VPS29: variants seen among roughly 807,000 people sequenced by gnomAD.
VPS29 encodes vacuolar protein sorting-associated protein 29.
Under a neutral mutation model 20.0 loss-of-function variants are expected in VPS29, and 2 were observed. The observed-to-expected ratio is 0.10, with a 90% CI of 0.04 to 0.31. The LOEUF (loss-of-function observed/expected upper bound fraction) is 0.31, where lower values mean the gene tolerates loss of function less well. Ranked by LOEUF, VPS29 falls within the 10% of genes least tolerant of loss-of-function variation. The pLI, the probability that VPS29 is intolerant of heterozygous loss-of-function variation, is 1.00. For synonymous variants in VPS29, 81 were observed against 79.3 expected (o/e 1.02, Z -0.12); for missense variants, 120 against 215.3 (o/e 0.56, Z 2.77).
chr12:110,493,362 A>AT (rs1174705851), intron 2 of VPS29, 131 bp from the exon 3 acceptor site: 60,570 of 462,450 alleles, frequency 0.13, 864 homozygotes, highest in Middle Eastern at 0.16. Flanking sequence ...ACATTTATAC[A>AT]TTTTTTTTTT....
intron 2 of VPS29, among the ~76,000 whole-genome samples, chr12:110,494,414 A>C (rs906415349): frequency 4.0e-5 from 6 of 150,342 alleles, no homozygotes; most frequent in African/African-American, 1.5e-4. Context: ...CACCATGCCC[A>C]GCTAATTTTT....
In VPS29 at chr12:110,502,078, C is replaced by T. The variant is rs1409873868; in HGVS notation, c.-27G>A. 11 of 1,609,004 alleles carry T rather than the reference C, an allele frequency of 6.8e-6. No homozygotes were observed. The highest frequency in any genetic ancestry group is 5.3e-5 in the African/African-American group (4 of 74,892). On this transcript the variant is annotated 5_prime_UTR_variant, in exon 1 of 4. Coordinates refer to ENST00000549578, the MANE Select transcript of VPS29 (RefSeq NM_016226.5). ...CTGTCACCGGGCTCCGCTCAGTCACCACCACCGTCGCCGCCCTCTTCCTCA... is the reference window on the plus strand; with the variant it reads ...CTGTCACCGGGCTCCGCTCAGTCACTACCACCGTCGCCGCCCTCTTCCTCA...
chr12:110,492,609 T>TTATG (rs1228015460), intron 3 of VPS29, among the ~76,000 whole-genome samples: 4 of 79,424 alleles, frequency 5.0e-5, no homozygotes, highest in African/African-American at 1.4e-4. Context: ...TTTTATTTAT[T>TTATG]TATTTATTTA....
At chr12:110,499,515 A>T (rs751237645) in intron 1 of VPS29, 4 of 1,613,076 alleles carry the variant, frequency 2.5e-6, no homozygotes, top group South Asian at 1.1e-5. Context: ...TGTTAGTAGG[A>T]GCTAAGTGAA....
At chr12:110,497,199 A>ATT (rs1565861931) in intron 1 of VPS29, among the ~76,000 whole-genome samples, 8 of 141,202 alleles carry the variant, frequency 5.7e-5, no homozygotes, top group African/African-American at 2.2e-4. Flanking sequence ...TAATTTAAAA[A>ATT]TTTCTTTCTT....
intron 1 of VPS29, among the ~76,000 whole-genome samples, chr12:110,498,007 C>T (rs557397593): frequency 1.4e-3 from 203 of 144,760 alleles, no homozygotes; most frequent in African/African-American, 4.6e-3. Context: ...ATTTTGCTCT[C>T]GTCGCCCAGG....
intron 1 of VPS29, among the ~76,000 whole-genome samples, chr12:110,500,923 T>TA (rs933875718): frequency 2.0e-5 from 3 of 152,102 alleles, no homozygotes; most frequent in Non-Finnish European, 4.4e-5. Flanking sequence ...CTCACGCCTG[T>TA]AACCCCAGCA....
chr12:110,497,213 T>C (rs912677304), intron 1 of VPS29, among the ~76,000 whole-genome samples: 25 of 122,002 alleles, frequency 2.0e-4, no homozygotes, highest in Admixed American at 1.4e-3. Flanking sequence ...CTTTCTTTTT[T>C]TTTTTTTTTT....
intron 1 of VPS29, among the ~76,000 whole-genome samples, chr12:110,497,207 CTTTTTTTTTTTTTTTT>C (rs71083128): frequency 1.3e-5 from 1 of 77,214 alleles, no homozygotes. Flanking sequence ...AAATTTCTTT[CTTTTTTTTTTTTTTTT>C]TTTTTTTTTT....
intron 3 of VPS29, 29 bp from the exon 4 acceptor site, chr12:110,492,151 T>C: frequency 6.6e-7 from 1 of 1,509,980 alleles, no homozygotes; most frequent in Non-Finnish European, 9.1e-7. Context: ...AATGTCAGTG[T>C]TTTGTAGCAC....
At chr12:110,498,054 C>A (rs1044809220) in intron 1 of VPS29, among the ~76,000 whole-genome samples, 20 of 151,478 alleles carry the variant, frequency 1.3e-4, no homozygotes, top group African/African-American at 4.6e-4. Context: ...TCACTGCAAC[C>A]TCTGCCTCCC....
Position 110,491,837 on chromosome 12 carries a change from T to C in VPS29, c.*168A>G, listed in dbSNP as rs1442514929. On this transcript the variant is annotated 3_prime_UTR_variant, in exon 4 of 4. Coordinates refer to ENST00000549578, the MANE Select transcript of VPS29 (RefSeq NM_016226.5). ...ATACTGTAAACTAAATATATTCTTA[T>C]AGTTTACAGGAAGCTTGGAGCAATT... The C allele has an allele frequency of 3.4e-6, 2 of 596,154 alleles. No homozygotes were observed. The highest frequency in any genetic ancestry group is 2.1e-5 in the South Asian group (1 of 48,560). The allele number at this position is 596,154 out of a possible 1,614,324, so 36.9% of individuals were successfully genotyped here.
At chr12:110,500,901 C>T (rs1040910211) in intron 1 of VPS29, among the ~76,000 whole-genome samples, 1 of 152,082 alleles carries the variant, frequency 6.6e-6, no homozygotes, top group South Asian at 2.1e-4. Context: ...GATTACAGGC[C>T]GGGCGCGGTG....
Position 110,493,011 on chromosome 12 carries a change from T to C in VPS29, c.416A>G (p.Tyr139Cys). Residue 139 changes from tyrosine to cysteine, a missense_variant, in exon 3 of 4, where the codon TAT (tyrosine) becomes TGT (cysteine). Physicochemically the swap from Tyr to Cys is radical, Grantham distance 194. Coordinates refer to ENST00000549578, the MANE Select transcript of VPS29 (RefSeq NM_016226.5). ...YINPGSATGA[Y>C]NALETNIIPS... is the part of the protein sequence containing the mutation. ...TACTACTCACGTTTCCAAGGCATTATATGCCCCAGTGGCAGAACCTGGATT... is the reference window on the plus strand; with the variant it reads ...TACTACTCACGTTTCCAAGGCATTACATGCCCCAGTGGCAGAACCTGGATT... The C allele has an allele frequency of 6.2e-7, 1 of 1,612,894 alleles. No individual in the cohort carries two copies. The highest frequency in any genetic ancestry group is 8.5e-7 in the Non-Finnish European group (1 of 1,179,510).
chr12:110,499,331 G>T, intron 1 of VPS29: 1 of 588,798 alleles, frequency 1.7e-6, no homozygotes, highest in Non-Finnish European at 2.7e-6. Flanking sequence ...TGACAAATCG[G>T]GATAGACATA....
chr12:110,501,891 C>G (rs527724182), intron 1 of VPS29, 158 bp downstream of exon 1: 1 of 1,526,804 alleles, frequency 6.5e-7, no homozygotes, highest in Non-Finnish European at 8.9e-7. Context: ...CCTTCCTTCC[C>G]TAGACCTCTT....
chr12:110,501,359 T>C (rs1237420909), intron 1 of VPS29: 2 of 1,533,838 alleles, frequency 1.3e-6, no homozygotes, highest in African/African-American at 1.4e-5. Context: ...AAAATGTGTA[T>C]ATTCACAAAA....
At chr12:110,501,853 G>A (rs1270564557) in intron 1 of VPS29, 196 bp downstream of exon 1, 3 of 1,377,090 alleles carry the variant, frequency 2.2e-6, no homozygotes, top group East Asian at 5.0e-5. Context: ...ACGAGACCTA[G>A]GCCAGCCGCA....
intron 1 of VPS29, among the ~76,000 whole-genome samples, chr12:110,497,435 TG>T (rs1204918416): frequency 6.6e-6 from 1 of 150,942 alleles, no homozygotes; most frequent in African/African-American, 2.4e-5. Flanking sequence ...CAGGCTGGTC[TG>T]GAACTCCTGA....
Sources: allele counts gnomAD v4.1 joint callset (sites outside exome capture counted in the v4.1 genomes callset), GRCh38; gene constraint gnomAD v4.1.1; transcripts MANE v1.5; gene names NCBI Gene and HGNC (gene_info 2026-07-23, HGNC 2026-07-21).